The following IFT88 variants were observed in gnomAD, a reference collection of about 807,000 sequenced individuals.
The protein encoded by IFT88 is intraflagellar transport 88.
A neutral mutation model predicts 119.5 loss-of-function variants in IFT88; 74 were observed. The observed-to-expected ratio is 0.62, with a 90% confidence interval of 0.51 to 0.75. The LOEUF (loss-of-function observed/expected upper bound fraction) is 0.75. IFT88 is among the 30% of genes least tolerant of loss of function. IFT88 has a pLI of 0.00. For missense variants in IFT88, 961 were observed against 977.7 expected, an observed-to-expected ratio of 0.98 and a Z score of 0.23; for synonymous variants, 279 against 316.7, an observed-to-expected ratio of 0.88 and a Z score of 1.26.
intron 2 of IFT88, among the ~76,000 whole-genome samples, chr13:20,578,062 T>TC (rs2037783134): frequency 1.3e-5 from 1 of 78,904 alleles, no homozygotes; most frequent in Non-Finnish European, 2.5e-5. Context: ...TTTTTTTTTT[T>TC]CAGATGGAGT....
intron 24 of IFT88, among the ~76,000 whole-genome samples, chr13:20,676,436 C>T (rs1489181388): frequency 2.0e-5 from 3 of 152,176 alleles, no homozygotes; most frequent in Admixed American, 1.3e-4. Flanking sequence ...CTGTGACTCC[C>T]GCCTGACAAA....
At chr13:20,657,621 G>A (rs1244846105) in intron 22 of IFT88, among the ~76,000 whole-genome samples, 2 of 152,026 alleles carry the variant, frequency 1.3e-5, no homozygotes, top group Non-Finnish European at 2.9e-5. Flanking sequence ...TGCTGGAAAC[G>A]ACCATGTTAA....
intron 20 of IFT88, among the ~76,000 whole-genome samples, chr13:20,647,993 G>T (rs146565422): frequency 1.0e-3 from 153 of 152,264 alleles, no homozygotes; most frequent in Non-Finnish European, 1.5e-3. Context: ...AAGATTATTA[G>T]TAGATTTCTC....
chr13:20,592,375 T>C lies in IFT88; in HGVS notation c.369T>C (p.Ala123=). ...FDPLSQSRGP[A]SPLEAKKKDS... ...CCCTTAGTCAGTCAAGGGGCCCTGCTTCCCCTTTGGAAGCCAAGAAAAAAG... is the reference window on the plus strand; with the variant it reads ...CCCTTAGTCAGTCAAGGGGCCCTGCCTCCCCTTTGGAAGCCAAGAAAAAAG... Residue 123 remains alanine, a synonymous_variant, in exon 7 of 26, where the codon GCT becomes GCC. Transcript: ENST00000351808. 1 of 1,611,648 alleles carries C rather than the reference T, an allele frequency of 6.2e-7. No individual in the cohort carries two copies. Among genetic ancestry groups the C allele is most frequent in the Non-Finnish European group, 8.5e-7 (1 of 1,179,060 alleles).
intron 17 of IFT88, among the ~76,000 whole-genome samples, chr13:20,640,559 C>T (rs914934474): frequency 3.5e-5 from 5 of 140,928 alleles, no homozygotes; most frequent in African/African-American, 7.9e-5. Flanking sequence ...GGCGACAGAG[C>T]GACTCCGTCT....
intron 24 of IFT88, among the ~76,000 whole-genome samples, chr13:20,672,755 A>C (rs2056092802): frequency 6.6e-6 from 1 of 152,232 alleles, no homozygotes; most frequent in Non-Finnish European, 1.5e-5. Context: ...GAATATTCAC[A>C]CTAAGGATAA....
chr13:20,653,791 G>A, intron 20 of IFT88, 85 bp from the exon 21 acceptor site: 1 of 650,388 alleles, frequency 1.5e-6, no homozygotes, highest in Non-Finnish European at 2.5e-6. Context: ...AAAAGTAATT[G>A]TAAAATAGTA....
At chr13:20,679,079 C>A (rs1262841696) in intron 24 of IFT88, among the ~76,000 whole-genome samples, 1 of 152,136 alleles carries the variant, frequency 6.6e-6, no homozygotes, top group African/African-American at 2.4e-5. Flanking sequence ...TCCAGTATGA[C>A]CCTTTAAATG....
intron 12 of IFT88, among the ~76,000 whole-genome samples, chr13:20,604,479 A>C (rs1436336868): frequency 6.6e-6 from 1 of 152,224 alleles, no homozygotes; most frequent in Admixed American, 6.5e-5. Context: ...GCTTCTGTGT[A>C]CTTGGTCCTA....
chr13:20,678,757 G>A (rs2056988067), intron 24 of IFT88, among the ~76,000 whole-genome samples: 1 of 152,116 alleles, frequency 6.6e-6, no homozygotes, highest in Admixed American at 6.5e-5. Context: ...CTTAGGGCTT[G>A]CTACCAGCAT....
At chr13:20,629,246 G>A (rs2047818330) in intron 15 of IFT88, among the ~76,000 whole-genome samples, 1 of 152,154 alleles carries the variant, frequency 6.6e-6, no homozygotes, top group Non-Finnish European at 1.5e-5. Flanking sequence ...ATAAAACCTA[G>A]AGATTCAAAA....
intron 3 of IFT88, among the ~76,000 whole-genome samples, chr13:20,584,781 T>G (rs2039346423): frequency 6.6e-6 from 1 of 152,204 alleles, no homozygotes; most frequent in African/African-American, 2.4e-5. Context: ...GGAATGCTGC[T>G]TCTCCCTACC....
chr13:20,596,127 G>T (rs763085469), intron 7 of IFT88, 23 bp from the exon 8 acceptor site: 1 of 900,852 alleles, frequency 1.1e-6, no homozygotes, highest in East Asian at 2.9e-5. Flanking sequence ...GATTTAAATT[G>T]TACCTGCTTT....
At chr13:20,600,182 ATC>A (rs2042365106) in intron 11 of IFT88, among the ~76,000 whole-genome samples, 1 of 152,150 alleles carries the variant, frequency 6.6e-6, no homozygotes, top group Non-Finnish European at 1.5e-5. Flanking sequence ...TTTACATAAT[ATC>A]TCATTATCAT....
At chr13:20,646,527 A>C (rs1408572028) in intron 20 of IFT88, among the ~76,000 whole-genome samples, 6 of 152,016 alleles carry the variant, frequency 3.9e-5, no homozygotes, top group Non-Finnish European at 7.4e-5. Flanking sequence ...CATGTTGGTG[A>C]GGCTGGTCTT....
At chr13:20,674,284 G>C (rs569601903) in intron 24 of IFT88, among the ~76,000 whole-genome samples, 4 of 152,262 alleles carry the variant, frequency 2.6e-5, no homozygotes, top group Non-Finnish European at 5.9e-5. Flanking sequence ...CTGATGAGGG[G>C]AATAACTATA....
At chr13:20,651,611 G>T (rs2051711178) in intron 20 of IFT88, among the ~76,000 whole-genome samples, 1 of 151,644 alleles carries the variant, frequency 6.6e-6, no homozygotes, top group South Asian at 2.1e-4. Context: ...CACGGTTTCA[G>T]TTACCCTCAG....
At chr13:20,590,873 G>C (rs1593892154) in intron 4 of IFT88, 94 bp from the exon 5 acceptor site, 1 of 823,648 alleles carries the variant, frequency 1.2e-6, no homozygotes, top group East Asian at 2.5e-5. Context: ...TTGTTTATTT[G>C]CCGATAGAAT....
chr13:20,683,161 C>T (rs577580147), intron 24 of IFT88, among the ~76,000 whole-genome samples: 1 of 152,238 alleles, frequency 6.6e-6, no homozygotes, highest in Non-Finnish European at 1.5e-5. Context: ...TAACTAAGTC[C>T]TCTAAAGCCT....
Sources: gnomAD v4.1 joint callset for allele counts (sites outside exome capture counted in the v4.1 genomes callset) on GRCh38, gnomAD v4.1.1 for gene constraint, MANE v1.5 for transcripts, NCBI Gene and HGNC (gene_info 2026-07-23, HGNC 2026-07-21) for gene names.